The following ATP2C1 variants were observed in gnomAD, a reference collection of about 807,000 sequenced individuals.
The protein encoded by ATP2C1 is ATPase secretory pathway Ca2+ transporting 1.
Under a neutral mutation model 120.5 loss-of-function variants are expected in ATP2C1, and 31 were observed. The ratio of observed to expected loss-of-function variants is 0.26; its 90% CI spans 0.19 to 0.35. ATP2C1 has a LOEUF of 0.35. Among genes scored for constraint, ATP2C1 ranks in the 10% least tolerant of loss-of-function variants. The pLI, the probability that ATP2C1 is intolerant of heterozygous loss-of-function variation, is 1.00. For missense variants in ATP2C1, 731 were observed against 1,107.5 expected, an observed-to-expected ratio of 0.66 and a Z score of 4.83; for synonymous variants, 351 against 358.7, an observed-to-expected ratio of 0.98 and a Z score of 0.24.
downstream of ATP2C1, among the ~76,000 whole-genome samples, chr3:131,004,971 T>C (rs2063046773): frequency 6.6e-6 from 1 of 152,158 alleles, no homozygotes; most frequent in African/African-American, 2.4e-5. Flanking sequence ...TATCGTAACA[T>C]GCTGATGGAA....
At chr3:130,890,637 CA>C (rs1288140847), upstream of ATP2C1, among the ~76,000 whole-genome samples, 1 of 152,148 alleles carries the variant, frequency 6.6e-6, no homozygotes, top group East Asian at 1.9e-4. Flanking sequence ...TAAAACCAAC[CA>C]AACACAAGTA....
chr3:130,886,848 CTTAT>C (rs2068986315), intron 1 of ATP2C1, among the ~76,000 whole-genome samples: 1 of 152,118 alleles, frequency 6.6e-6, no homozygotes, highest in Non-Finnish European at 1.5e-5. Context: ...TCCCTGGTGT[CTTAT>C]TTAGTTCATT....
At chr3:130,959,185 C>A in intron 11 of ATP2C1, 90 bp from the exon 12 acceptor site, 1 of 923,738 alleles carries the variant, frequency 1.1e-6, no homozygotes, top group Non-Finnish European at 1.7e-6. Context: ...CCTTTTTTGT[C>A]AAGGGACGTT....
upstream of ATP2C1, among the ~76,000 whole-genome samples, chr3:130,890,406 T>C (rs560886411): frequency 6.6e-6 from 1 of 152,342 alleles, no homozygotes; most frequent in African/African-American, 2.4e-5. Context: ...ATCCCAAATA[T>C]TACCACTGGC....
chr3:130,965,511 A>G (rs760028082), intron 14 of ATP2C1, among the ~76,000 whole-genome samples: 4 of 152,060 alleles, frequency 2.6e-5, no homozygotes, highest in African/African-American at 4.8e-5. Context: ...ATGGTTTTCC[A>G]TTGTGATCAG....
At chr3:130,999,770 T>C in intron 27 of ATP2C1, 111 bp downstream of exon 27, 2 of 1,075,248 alleles carry the variant, frequency 1.9e-6, no homozygotes, top group East Asian at 2.6e-5. Context: ...GTAACTCACT[T>C]GATTTGAAAA....
At chr3:130,885,030 T>C (rs1300590508) in intron 1 of ATP2C1, among the ~76,000 whole-genome samples, 2 of 150,826 alleles carry the variant, frequency 1.3e-5, no homozygotes, top group Admixed American at 6.6e-5. Context: ...GCCTCCTGGG[T>C]TCAAGCGATT....
Position 131,002,564 on chromosome 3 carries a change from A to G in ATP2C1, c.*1214A>G, listed in dbSNP as rs886057990. ...GTGTGTAATGCCATCAGTTTTTATG[A>G]AAGCTTGATGAGGTATAGGTCATTT... On this transcript the variant is annotated 3_prime_UTR_variant, in exon 28 of 28. Coordinates refer to ENST00000510168, the MANE Select transcript of ATP2C1 (RefSeq NM_001378687.1). 5.1e-6 allele frequency: 5 copies of G among 985,290 alleles called. No homozygotes were observed. Among genetic ancestry groups the G allele is most frequent in the Non-Finnish European group, 3.6e-6 (3 of 829,928 alleles). The allele number at this position is 985,290 out of a possible 1,614,324, so 61.0% of individuals were successfully genotyped here. A position where few individuals can be genotyped will look rare whatever the true frequency, so the allele number is the denominator to read the frequency against.
chr3:130,951,419 A>C (rs931275361), intron 8 of ATP2C1, among the ~76,000 whole-genome samples: 1 of 152,184 alleles, frequency 6.6e-6, no homozygotes, highest in Non-Finnish European at 1.5e-5. Flanking sequence ...TAGTAGGATT[A>C]AATGTGATAA....
chr3:130,948,475 C>CT (rs1248726873), intron 8 of ATP2C1, among the ~76,000 whole-genome samples: 1 of 151,942 alleles, frequency 6.6e-6, no homozygotes, highest in African/African-American at 2.4e-5. Flanking sequence ...AAGATTCTGT[C>CT]TTTATCTTTC....
chr3:130,928,062 C>T (rs531274914), intron 2 of ATP2C1: 2 of 152,616 alleles, frequency 1.3e-5, no homozygotes, highest in East Asian at 1.9e-4. Context: ...CCATGTTCTT[C>T]GTTAAAATAC....
intron 20 of ATP2C1, among the ~76,000 whole-genome samples, chr3:130,981,038 G>A (rs2061734655): frequency 6.6e-6 from 1 of 152,120 alleles, no homozygotes. Context: ...GCATGAGTAT[G>A]TGATTTTTTT....
At chr3:130,893,163 G>C (rs1214098086), upstream of ATP2C1, among the ~76,000 whole-genome samples, 1 of 152,124 alleles carries the variant, frequency 6.6e-6, no homozygotes, top group Non-Finnish European at 1.5e-5. Context: ...TCATTAAAAA[G>C]CACTTATTAG....
intron 20 of ATP2C1, 72 bp from the exon 21 acceptor site, chr3:130,992,879 G>A: frequency 8.0e-7 from 1 of 1,242,490 alleles, no homozygotes; most frequent in Admixed American, 1.7e-5. Context: ...TTCATCATTA[G>A]TTATGAATGC....
chr3:130,893,460 T>G (rs1264820780), upstream of ATP2C1, among the ~76,000 whole-genome samples: 1 of 152,126 alleles, frequency 6.6e-6, no homozygotes, highest in East Asian at 1.9e-4. Flanking sequence ...GATTACCGGC[T>G]CCCCCAAGAA....
rs1576711618 is a variant in ATP2C1 at position 130,919,170 on chromosome 3, C to G, written c.7-11246C>G. The G allele has an allele frequency of 3.4e-5, 8 of 235,598 alleles. No individual in the cohort carries two copies. In the South Asian group the frequency reaches 3.7e-4, roughly 11 times the overall value. 14.6% of individuals were successfully genotyped at this position (235,598 alleles called of 1,614,324 possible). ...CACAGGCGGAGCTAGAGAGGCTGGG[C>G]TGGAGGGAGTGTCCAGGGAGTCCGA... is the stretch of plus-strand genomic sequence containing the variant. On this transcript the variant is annotated intron_variant, in intron 2 of 27. Coordinates refer to ENST00000510168, the MANE Select transcript of ATP2C1 (RefSeq NM_001378687.1).
intron 5 of ATP2C1, among the ~76,000 whole-genome samples, chr3:130,936,167 T>C (rs1365967639): frequency 2.0e-5 from 3 of 152,290 alleles, no homozygotes; most frequent in East Asian, 1.9e-4. Flanking sequence ...TTTAAGACTT[T>C]ATTCCAATTA....
chr3:130,867,029 T>C (rs1040584036), intron 1 of ATP2C1, among the ~76,000 whole-genome samples: 2 of 152,194 alleles, frequency 1.3e-5, no homozygotes, highest in African/African-American at 2.4e-5. Context: ...TGATGACCTG[T>C]GGTAATTTTT....
At chr3:130,976,912 C>T (rs559903303) in intron 18 of ATP2C1, among the ~76,000 whole-genome samples, 1 of 152,302 alleles carries the variant, frequency 6.6e-6, no homozygotes, top group South Asian at 2.1e-4. Context: ...AGGGGGTGCC[C>T]TCGTACATTG....
Sources: allele counts gnomAD v4.1 joint callset (sites outside exome capture counted in the v4.1 genomes callset), GRCh38; gene constraint gnomAD v4.1.1; transcripts MANE v1.5; gene names NCBI Gene and HGNC (gene_info 2026-07-23, HGNC 2026-07-21).